SMCHD1: variants seen among roughly 807,000 people sequenced by gnomAD.
SMCHD1 encodes the protein structural maintenance of chromosomes flexible hinge domain containing 1.
Under a neutral mutation model 254.7 loss-of-function variants are expected in SMCHD1, and 78 were observed. The observed-to-expected ratio is 0.31, with a 90% CI of 0.26 to 0.37. The LOEUF is 0.37. SMCHD1 is among the 10% of genes least tolerant of loss of function. The pLI is 1.00. For synonymous variants in SMCHD1, 766 were observed against 794.9 expected, an observed-to-expected ratio of 0.96 and a Z score of 0.61; for missense variants, 1,840 against 2,408.1, an observed-to-expected ratio of 0.76 and a Z score of 4.94.
chr18:2,742,929 C>T (rs773059061), intron 28 of SMCHD1, among the ~76,000 whole-genome samples: 4 of 152,102 alleles, frequency 2.6e-5, no homozygotes, highest in Non-Finnish European at 2.9e-5. Flanking sequence ...CCACCTTGGC[C>T]TCGTAAAGTG....
intron 25 of SMCHD1, among the ~76,000 whole-genome samples, chr18:2,735,578 G>A (rs1460759663): frequency 1.3e-5 from 2 of 152,152 alleles, no homozygotes; most frequent in African/African-American, 4.8e-5. Flanking sequence ...CTTCAGTAGG[G>A]TTTCAGAATG....
At chr18:2,671,372 A>G (rs2073595348) in intron 3 of SMCHD1, among the ~76,000 whole-genome samples, 1 of 152,174 alleles carries the variant, frequency 6.6e-6, no homozygotes, top group Admixed American at 6.5e-5. Context: ...ATGAAATGAT[A>G]TGAAAACCCT....
intron 5 of SMCHD1, among the ~76,000 whole-genome samples, chr18:2,686,400 C>A (rs115046475): frequency 6.6e-6 from 1 of 152,050 alleles, no homozygotes; most frequent in Non-Finnish European, 1.5e-5. Flanking sequence ...ACTTTTGGTC[C>A]GAAGCATTTT....
intron 41 of SMCHD1, 44 bp from the exon 42 acceptor site, chr18:2,775,690 T>C (rs773738809): frequency 1.3e-6 from 2 of 1,521,194 alleles, no homozygotes; most frequent in Admixed American, 2.0e-5. Context: ...CAAATTTTTA[T>C]ATATGGATTT....
At chr18:2,666,833 C>T in intron 2 of SMCHD1, 37 bp from the exon 3 acceptor site, 1 of 1,528,562 alleles carries the variant, frequency 6.5e-7, no homozygotes, top group Non-Finnish European at 8.9e-7. Flanking sequence ...GTTTCTGATG[C>T]TGACCTAGCA....
chr18:2,723,652 C>T (rs927135806), intron 20 of SMCHD1, among the ~76,000 whole-genome samples: 1 of 152,138 alleles, frequency 6.6e-6, no homozygotes, highest in African/African-American at 2.4e-5. Flanking sequence ...CAGATAACCT[C>T]TTCTCTTCTT....
chr18:2,728,984 A>C (rs1568251805), intron 23 of SMCHD1, among the ~76,000 whole-genome samples: 1 of 151,828 alleles, frequency 6.6e-6, no homozygotes. Context: ...GACTAAATGA[A>C]GGTAGGTAAA....
intron 12 of SMCHD1, among the ~76,000 whole-genome samples, chr18:2,702,840 G>T (rs1290178887): frequency 6.6e-6 from 1 of 152,064 alleles, no homozygotes; most frequent in Non-Finnish European, 1.5e-5. Flanking sequence ...GTATATTATG[G>T]TATAAGGTAC....
rs540109186 is a variant in SMCHD1 at position 2,730,772 on chromosome 18, C to T, written c.3048+1363C>T. ...ACATAGCTTGAACCTCAAATGGATACAAGATGTCTTTTACTTTTTAAATTA... is the reference window on the plus strand; with the variant it reads ...ACATAGCTTGAACCTCAAATGGATATAAGATGTCTTTTACTTTTTAAATTA... On this transcript the variant is annotated intron_variant, in intron 24 of 47. Transcript: ENST00000320876. Among the ~76,000 whole-genome samples the T allele has an allele frequency of 1.2e-4, 19 of 152,312 alleles. 2 individuals carry two copies. The South Asian group carries it at 3.7e-3, about 30-fold the overall frequency.
intron 12 of SMCHD1, chr18:2,702,384 T>C (rs899712820): frequency 6.6e-6 from 1 of 152,194 alleles, no homozygotes; most frequent in Non-Finnish European, 1.5e-5. Flanking sequence ...TCCCCTAGGT[T>C]ACCTGTCACC....
intron 10 of SMCHD1, among the ~76,000 whole-genome samples, chr18:2,700,168 T>C (rs956289314): frequency 1.3e-5 from 2 of 152,234 alleles, no homozygotes; most frequent in African/African-American, 4.8e-5. Context: ...CATGTGAACA[T>C]ACTAGTTCTG....
chr18:2,656,069 C>T lies in SMCHD1; in HGVS notation c.-7C>T. On this transcript the variant is annotated 5_prime_UTR_variant, in exon 1 of 48. Transcript: ENST00000320876. ...AGGCGTCGCTGTCTTTTCTCCTTTT[C>T]CCCAATATGGCAGCGGCGGACGGCG... 6 of 1,390,456 alleles carry T rather than the reference C, an allele frequency of 4.3e-6. No homozygotes were observed. The highest frequency in any genetic ancestry group is 5.7e-5 in the East Asian group (2 of 35,210). 86.1% of individuals were successfully genotyped at this position (1,390,456 alleles called of 1,614,324 possible).
At chr18:2,730,207 G>A (rs917663756) in intron 24 of SMCHD1, among the ~76,000 whole-genome samples, 2 of 151,926 alleles carry the variant, frequency 1.3e-5, no homozygotes, top group African/African-American at 4.8e-5. Flanking sequence ...ATCTTGCTCT[G>A]TTGCCCAGGC....
At chr18:2,758,125 A>G (rs1279367413) in intron 34 of SMCHD1, among the ~76,000 whole-genome samples, 2 of 152,072 alleles carry the variant, frequency 1.3e-5, no homozygotes. Flanking sequence ...TTTCCTGATA[A>G]TCTTTGTCTT....
In SMCHD1 at chr18:2,752,479, C is replaced by G. The variant is rs1219810842; in HGVS notation, c.4282-9C>G. The G allele has an allele frequency of 3.8e-6, 6 of 1,594,218 alleles. No homozygotes were observed. The South Asian group carries it at 5.5e-5, about 15-fold the overall frequency. On this transcript the variant is annotated splice_polypyrimidine_tract_variant and intron_variant, in intron 33 of 47. Coordinates refer to ENST00000320876, the MANE Select transcript of SMCHD1 (RefSeq NM_015295.3). Reference sequence around the variant, plus strand: ...CCCCTCTCCCCTTCTCTCCTACTCCCCTTTCTAGGCAGAAACATTTAGTTG... The same window carrying G: ...CCCCTCTCCCCTTCTCTCCTACTCCGCTTTCTAGGCAGAAACATTTAGTTG...
At chr18:2,798,442 G>A (rs1049468343) in intron 47 of SMCHD1, among the ~76,000 whole-genome samples, 1 of 152,110 alleles carries the variant, frequency 6.6e-6, no homozygotes, top group Non-Finnish European at 1.5e-5. Context: ...TCAAAATGAC[G>A]CAAAAATCCC....
At position 2,747,647 on chromosome 18, in the gene SMCHD1, G is replaced by A. The variant is rs1279841865; in HGVS notation, c.3927G>A (p.Lys1309=). 1.3e-6 allele frequency: 2 copies of A among 1,570,278 alleles called. No individual in the cohort carries two copies. The highest frequency in any genetic ancestry group is 1.9e-5 in the Admixed American group (1 of 53,236). Residue 1309 remains lysine (K), a splice_region_variant and synonymous_variant, in exon 30 of 48, where the codon AAG becomes AAA. Transcript: ENST00000320876. ...KISLTKASNL[K]LMPSNQQHKT... ...GTCTTACAAAAGCTAGCAATTTAAA[G>A]GTAAGTTTTAAACTTCCTTACATCT...
intron 5 of SMCHD1, among the ~76,000 whole-genome samples, chr18:2,683,454 C>G (rs560964209): frequency 6.6e-5 from 10 of 152,132 alleles, no homozygotes; most frequent in Non-Finnish European, 1.3e-4. Context: ...CTATTGATTT[C>G]AAGTGTAATT....
chr18:2,734,878 G>T (rs1204696225), intron 25 of SMCHD1, among the ~76,000 whole-genome samples: 12 of 151,850 alleles, frequency 7.9e-5, no homozygotes. Flanking sequence ...GACCAGCCTG[G>T]CCAAGATGGT....
Sources: gnomAD v4.1 joint callset for allele counts (sites outside exome capture counted in the v4.1 genomes callset) on GRCh38, gnomAD v4.1.1 for gene constraint, MANE v1.5 for transcripts, NCBI Gene and HGNC (gene_info 2026-07-23, HGNC 2026-07-21) for gene names.